The following PDE4B variants were observed in gnomAD, a reference collection of about 807,000 sequenced individuals.
The protein encoded by PDE4B is 3',5'-cyclic-AMP phosphodiesterase 4B.
A neutral mutation model predicts 82.2 loss-of-function variants in PDE4B; 20 were observed. That is an observed-to-expected ratio of 0.24 (90% CI 0.17 to 0.35). The LOEUF (loss-of-function observed/expected upper bound fraction) is 0.35. PDE4B is among the 10% of genes least tolerant of loss of function. The probability of loss-of-function intolerance (pLI) is 1.00; values close to 1 mark genes in which losing one functional copy is unlikely to be tolerated. For synonymous variants in PDE4B, 320 were observed against 318.9 expected (o/e 1.00, Z -0.04); for missense variants, 655 against 907.2 (o/e 0.72, Z 3.57).
At chr1:66,005,196 G>C (rs1234231905) in intron 3 of PDE4B, among the ~76,000 whole-genome samples, 1 of 152,080 alleles carries the variant, frequency 6.6e-6, no homozygotes, top group African/African-American at 2.4e-5. Context: ...AGGGGGAAGA[G>C]TTTCTGCTTT....
At chr1:66,234,527 G>A (rs1259953000) in intron 3 of PDE4B, among the ~76,000 whole-genome samples, 4 of 152,184 alleles carry the variant, frequency 2.6e-5, no homozygotes, top group African/African-American at 4.8e-5. Context: ...GACCTCAGGT[G>A]ATCCGCCTGG....
intron 3 of PDE4B, among the ~76,000 whole-genome samples, chr1:66,030,480 G>T (rs1653711633): frequency 6.6e-6 from 1 of 152,112 alleles, no homozygotes; most frequent in Non-Finnish European, 1.5e-5. Flanking sequence ...CATCTGTTCT[G>T]GGGCTTCTTT....
chr1:65,880,486 G>A (rs1197248837), intron 1 of PDE4B, among the ~76,000 whole-genome samples: 1 of 152,156 alleles, frequency 6.6e-6, no homozygotes, highest in Non-Finnish European at 1.5e-5. Context: ...TAATCCTCAA[G>A]GTGATGGTAT....
intron 3 of PDE4B, among the ~76,000 whole-genome samples, chr1:66,010,283 T>G (rs1013754844): frequency 2.2e-4 from 33 of 151,886 alleles, no homozygotes; most frequent in African/African-American, 7.9e-4. Flanking sequence ...AAAGTAATTT[T>G]ATCTGGAAAT....
intron 3 of PDE4B, among the ~76,000 whole-genome samples, chr1:66,010,105 T>C (rs921389573): frequency 1.2e-4 from 18 of 152,068 alleles, no homozygotes; most frequent in African/African-American, 4.3e-4. Flanking sequence ...AGTTAATACA[T>C]ATTTATTGAA....
intron 1 of PDE4B, among the ~76,000 whole-genome samples, chr1:65,881,294 T>G (rs568692885): frequency 1.3e-4 from 20 of 152,326 alleles, no homozygotes; most frequent in African/African-American, 4.1e-4. Context: ...CTGTTCACTT[T>G]CTGGGCAGCC....
intron 1 of PDE4B, among the ~76,000 whole-genome samples, chr1:65,802,682 G>A (rs947759563): frequency 5.3e-5 from 8 of 151,976 alleles, no homozygotes; most frequent in African/African-American, 1.4e-4. Context: ...AAATATTTGC[G>A]GTGTTGTCTC....
intron 3 of PDE4B, among the ~76,000 whole-genome samples, chr1:66,172,099 C>T (rs759220653): frequency 6.6e-6 from 1 of 152,064 alleles, no homozygotes; most frequent in Non-Finnish European, 1.5e-5. Context: ...TCCAGCTCTA[C>T]CCTTATCCCC....
rs560520591 is a variant in PDE4B, at chr1:65,853,863, C to T, written c.-70-59382C>T. On this transcript the variant is annotated intron_variant, in intron 1 of 16. Coordinates refer to ENST00000341517, the MANE Select transcript of PDE4B (RefSeq NM_002600.4). ...TAAGAAGTTGTTCTAGGGAGCTTTG[C>T]TCAATCTGAGTTTGAAGGCAGAATT... Among the ~76,000 whole-genome samples the T allele has an allele frequency of 5.3e-5, 8 of 152,230 alleles. No individual in the cohort carries two copies. The East Asian group carries it at 1.2e-3, about 22-fold the overall frequency.
chr1:66,089,225 A>G (rs1644961174), intron 3 of PDE4B, among the ~76,000 whole-genome samples: 1 of 152,142 alleles, frequency 6.6e-6, no homozygotes. Context: ...TGTGAGAATT[A>G]GAGACAAGGT....
chr1:66,034,824 TAA>T (rs200922657), intron 3 of PDE4B, among the ~76,000 whole-genome samples: 1,736 of 152,328 alleles, frequency 0.011, 35 homozygotes, highest in African/African-American at 0.04. Flanking sequence ...TCTCTGGTCA[TAA>T]AGTTTTTATC....
At chr1:66,339,088 G>T (rs1322648649) in intron 8 of PDE4B, among the ~76,000 whole-genome samples, 2 of 152,078 alleles carry the variant, frequency 1.3e-5, no homozygotes, top group East Asian at 3.9e-4. Flanking sequence ...AAATGATTTG[G>T]GCAATTTCAT....
intron 3 of PDE4B, among the ~76,000 whole-genome samples, chr1:66,222,859 C>A (rs534114662): frequency 1.3e-5 from 2 of 152,178 alleles, no homozygotes; most frequent in East Asian, 3.9e-4. Flanking sequence ...TTAGTAAAAG[C>A]CTTTCTCCTT....
At position 65,924,519 on chromosome 1, in the gene PDE4B, GCTAT is replaced by G. The variant is rs1179949805; in HGVS notation, c.281+5689_281+5692del. 3.3e-5 allele frequency among the ~76,000 whole-genome samples: 5 copies of G among 151,778 alleles called. No homozygotes were observed. The East Asian group carries it at 7.7e-4, about 23-fold the overall frequency. On this transcript the variant is annotated intron_variant, in intron 3 of 16. Coordinates refer to ENST00000341517, the MANE Select transcript of PDE4B (RefSeq NM_002600.4). ...AATGTTATGTGGTTTTCTATTCCCT[GCTAT>G]CTATTACTGCATAGCAAATAATCCC...
chr1:66,067,883 G>A (rs1029362341), intron 3 of PDE4B, among the ~76,000 whole-genome samples: 2 of 146,634 alleles, frequency 1.4e-5, no homozygotes, highest in South Asian at 4.4e-4. Context: ...TCATAGGTGG[G>A]AATTGAACAA....
intron 1 of PDE4B, among the ~76,000 whole-genome samples, chr1:65,813,515 A>G (rs1325209910): frequency 1.3e-5 from 2 of 152,164 alleles, no homozygotes; most frequent in African/African-American, 4.8e-5. Flanking sequence ...ATCAGAGTAA[A>G]CAGATTTTAG....
intron 1 of PDE4B, among the ~76,000 whole-genome samples, chr1:65,795,103 AT>A (rs1374677074): frequency 6.6e-6 from 1 of 152,216 alleles, no homozygotes; most frequent in Non-Finnish European, 1.5e-5. Flanking sequence ...GTATTTAAGT[AT>A]TTAACAGTAA....
At chr1:66,130,280 C>T (rs1570305993) in intron 3 of PDE4B, among the ~76,000 whole-genome samples, 4 of 152,286 alleles carry the variant, frequency 2.6e-5, no homozygotes, top group South Asian at 4.1e-4. Flanking sequence ...CAGACAGTAG[C>T]GTACAGGAAA....
At chr1:65,934,028 T>C (rs536082806) in intron 3 of PDE4B, among the ~76,000 whole-genome samples, 24 of 152,322 alleles carry the variant, frequency 1.6e-4, no homozygotes, top group African/African-American at 5.5e-4. Context: ...ATCAGTTTAA[T>C]ATAGACTATT....
Sources: gnomAD v4.1 joint callset for allele counts (sites outside exome capture counted in the v4.1 genomes callset) on GRCh38, gnomAD v4.1.1 for gene constraint, MANE v1.5 for transcripts, NCBI Gene and HGNC (gene_info 2026-07-23, HGNC 2026-07-21) for gene names.